The following ARHGAP5 variants were observed in gnomAD, a reference collection of about 807,000 sequenced individuals.
ARHGAP5 encodes the protein Rho GTPase activating protein 5, also known as rho GTPase-activating protein 5.
A neutral mutation model predicts 116.6 loss-of-function variants in ARHGAP5; 23 were observed. The ratio of observed to expected loss-of-function variants is 0.20; its 90% CI spans 0.14 to 0.28. The LOEUF (loss-of-function observed/expected upper bound fraction) is 0.28. ARHGAP5 is among the 10% of genes least tolerant of loss of function. The pLI, the probability that ARHGAP5 is intolerant of heterozygous loss-of-function variation, is 1.00. For missense variants in ARHGAP5, 1,405 were observed against 1,774.8 expected (o/e 0.79, Z 3.74); for synonymous variants, 574 against 602.0 (o/e 0.95, Z 0.68).
At position 32,093,070 on chromosome 14, in the gene ARHGAP5, G is replaced by T; in HGVS notation, c.2401G>T (p.Asp801Tyr). The change falls in exon 2 of 7, where the codon GAT becomes TAT. Residue 801 changes from aspartate (D) to tyrosine (Y), a missense_variant. Around this residue, in one of 6 missense-constraint regions of ARHGAP5, gnomAD observed 944 missense variants for 1,095.3 expected, o/e 0.86. Transcript: ENST00000345122. Reference sequence around the variant, plus strand: ...GGATCTTATTCTTTCACCCTTCCTTGATTCTCATTCTTGCAGTGCTGCTCA... The same window carrying T: ...GGATCTTATTCTTTCACCCTTCCTTTATTCTCATTCTTGCAGTGCTGCTCA... ...SVDLILSPFL[D>Y]SHSCSAAQAG... The T allele has an allele frequency of 6.2e-7, 1 of 1,613,800 alleles. No homozygotes were observed. Among genetic ancestry groups the T allele is most frequent in the East Asian group, 2.2e-5 (1 of 44,866 alleles).
At chr14:32,082,506 C>T (rs2041787000) in intron 1 of ARHGAP5, among the ~76,000 whole-genome samples, 1 of 152,084 alleles carries the variant, frequency 6.6e-6, no homozygotes, top group African/African-American at 2.4e-5. Flanking sequence ...TAGCCAGTTA[C>T]CAAGCTCTCT....
At position 32,159,127 on chromosome 14, in the gene ARHGAP5, G is replaced by T. The variant is rs185070121; in HGVS notation, c.*4179G>T. The T allele has an allele frequency of 6.6e-5, 10 of 152,208 alleles. No homozygotes were observed. The highest frequency in any genetic ancestry group is 3.4e-3 in the Middle Eastern group (1 of 294). 9.4% of individuals were successfully genotyped at this position (152,208 alleles called of 1,614,324 possible). ...TTGAAAAGCTAACCAATGATAATTA[G>T]CATTTTAGTTAATACTAAATGCATA... On this transcript the variant is annotated 3_prime_UTR_variant, in exon 7 of 7. Transcript: ENST00000345122.
At chr14:32,115,116 A>G (rs1329207234) in intron 2 of ARHGAP5, among the ~76,000 whole-genome samples, 1 of 152,204 alleles carries the variant, frequency 6.6e-6, no homozygotes, top group African/African-American at 2.4e-5. Context: ...GAAACTCTCA[A>G]TGGGATGTGC....
In ARHGAP5 at chr14:32,158,408, G is replaced by A. The variant is rs1881989534; in HGVS notation, c.*3460G>A. The A allele has an allele frequency of 6.6e-6, 1 of 151,890 alleles. No homozygotes were observed. Among genetic ancestry groups the A allele is most frequent in the South Asian group, 2.1e-4 (1 of 4,826 alleles). The allele number at this position is 151,890 out of a possible 1,614,324, so 9.4% of individuals were successfully genotyped here. On this transcript the variant is annotated 3_prime_UTR_variant, in exon 7 of 7. Transcript: ENST00000345122. The stretch of plus-strand genomic sequence containing the variant: ...AAGATCTTACCTGGATGTGATTTTT[G>A]AGCTGTGGCTAGACATTCTTTAGAG...
chr14:32,134,471 C>T (rs1018845475), intron 3 of ARHGAP5, among the ~76,000 whole-genome samples: 2 of 152,196 alleles, frequency 1.3e-5, no homozygotes, highest in African/African-American at 4.8e-5. Context: ...GATGTTACTT[C>T]ATCCCTATCA....
intron 3 of ARHGAP5, among the ~76,000 whole-genome samples, chr14:32,140,104 T>G (rs1881042203): frequency 7.1e-6 from 1 of 140,272 alleles, no homozygotes; most frequent in African/African-American, 2.6e-5. Context: ...GTTCTTTTTT[T>G]TTTTTTTTTC....
chr14:32,131,849 C>T (rs897917124), intron 3 of ARHGAP5, among the ~76,000 whole-genome samples: 1 of 152,118 alleles, frequency 6.6e-6, no homozygotes, highest in Admixed American at 6.5e-5. Context: ...GTTTTTTGTC[C>T]TTGCGATAGT....
Position 32,094,194 on chromosome 14 carries a change from C to T in ARHGAP5, c.3525C>T (p.Ala1175=). 1 of 1,612,532 alleles carries T rather than the reference C, an allele frequency of 6.2e-7. No individual in the cohort carries two copies. The highest frequency in any genetic ancestry group is 8.5e-7 in the Non-Finnish European group (1 of 1,179,666). ...ACTATAGAAGAACACATTCAGATGC[C>T]AGTGATGATGAGGCTTTCACCACTT... ...KSYYRRTHSD[A]SDDEAFTTSK... is the part of the protein sequence containing the mutation. The change falls in exon 2 of 7, where the codon GCC becomes GCT. Residue 1175 remains alanine (A), a synonymous_variant. Coordinates refer to ENST00000345122, the MANE Select transcript of ARHGAP5 (RefSeq NM_001030055.2).
intron 2 of ARHGAP5, among the ~76,000 whole-genome samples, chr14:32,110,568 C>G (rs934083398): frequency 3.3e-5 from 5 of 151,844 alleles, no homozygotes; most frequent in African/African-American, 1.2e-4. Flanking sequence ...TTGAGGAAGG[C>G]GTAAATGATG....
At chr14:32,085,780 C>CT (rs1594339986) in intron 1 of ARHGAP5, among the ~76,000 whole-genome samples, 2 of 152,152 alleles carry the variant, frequency 1.3e-5, no homozygotes, top group East Asian at 3.9e-4. Flanking sequence ...TTACTAAAGT[C>CT]TTTAAACAGC....
Position 32,098,810 on chromosome 14 carries a change from G to A in ARHGAP5, c.3717+4424G>A, listed in dbSNP as rs149141697. Reference sequence around the variant, plus strand: ...TAGGGGAGAGAGTAGTATAAGGAGAGACGAGAATGCAGACCAGACTCTGAG... The same window carrying A: ...TAGGGGAGAGAGTAGTATAAGGAGAAACGAGAATGCAGACCAGACTCTGAG... On this transcript the variant is annotated intron_variant, in intron 2 of 6. Coordinates refer to ENST00000345122, the MANE Select transcript of ARHGAP5 (RefSeq NM_001030055.2). 4.9e-3 allele frequency among the ~76,000 whole-genome samples: 750 copies of A among 152,340 alleles called. 5 individuals carry two copies. Among genetic ancestry groups the A allele is most frequent in the African/African-American group, 0.017 (704 of 41,576 alleles).
At chr14:32,083,545 G>T (rs1448663834) in intron 1 of ARHGAP5, among the ~76,000 whole-genome samples, 1 of 152,164 alleles carries the variant, frequency 6.6e-6, no homozygotes, top group African/African-American at 2.4e-5. Context: ...TAGTACCATG[G>T]TATAGCACAT....
At chr14:32,140,087 G>GTTTTTT (rs1881028802) in intron 3 of ARHGAP5, among the ~76,000 whole-genome samples, 1 of 29,852 alleles carries the variant, frequency 3.3e-5, no homozygotes, top group African/African-American at 1.5e-4. Flanking sequence ...TTTTTTTTAG[G>GTTTTTT]TTATTTGTTC....
Position 32,159,644 on chromosome 14 carries a change from G to A in ARHGAP5, c.*4696G>A, listed in dbSNP as rs911417401. On this transcript the variant is annotated 3_prime_UTR_variant, in exon 7 of 7. Transcript: ENST00000345122. ...TGCAAGTTCTTGAACTATTTTACCA[G>A]CTTTAACTTTGGGGCTCTTAGTTTC... 48 of 152,034 alleles carry A rather than the reference G, an allele frequency of 3.2e-4. No individual in the cohort carries two copies. Among genetic ancestry groups the A allele is most frequent in the African/African-American group, 1.2e-3 (48 of 41,398 alleles). The allele number at this position is 152,034 out of a possible 1,614,324, so 9.4% of individuals were successfully genotyped here.
intron 2 of ARHGAP5, among the ~76,000 whole-genome samples, chr14:32,096,274 C>A (rs1878519754): frequency 6.6e-6 from 1 of 152,106 alleles, no homozygotes; most frequent in Non-Finnish European, 1.5e-5. Context: ...TTTTTCCATA[C>A]TGCTGCATAG....
chr14:32,104,406 G>A, intron 2 of ARHGAP5, among the ~76,000 whole-genome samples: 1 of 152,140 alleles, frequency 6.6e-6, no homozygotes, highest in East Asian at 1.9e-4. Flanking sequence ...CAAAAACCTA[G>A]ACCACATTTA....
At chr14:32,077,513 C>A in intron 1 of ARHGAP5, 78 bp downstream of exon 1, 1 of 650,862 alleles carries the variant, frequency 1.5e-6, no homozygotes. Flanking sequence ...CTAGCTGCCC[C>A]GCTCGGTCGC....
Position 32,094,504 on chromosome 14 carries a change from C to T in ARHGAP5, c.3717+118C>T, listed in dbSNP as rs371329487. Reference sequence around the variant, plus strand: ...ATTCCATACATAATAATTAGTAGCCCTTTTTAATTTTCTGAGTATTCTGTG... The same window carrying T: ...ATTCCATACATAATAATTAGTAGCCTTTTTTAATTTTCTGAGTATTCTGTG... On this transcript the variant is annotated intron_variant, in intron 2 of 6. Transcript: ENST00000345122. The T allele has an allele frequency of 2.1e-5, 15 of 721,338 alleles. No individual in the cohort carries two copies. The African/African-American group carries it at 2.4e-4, about 12-fold the overall frequency. The allele number at this position is 721,338 out of a possible 1,614,324, so 44.7% of individuals were successfully genotyped here. A position where few individuals can be genotyped will look rare whatever the true frequency, so the allele number is the denominator to read the frequency against.
chr14:32,104,449 C>T (rs574644642), intron 2 of ARHGAP5, among the ~76,000 whole-genome samples: 4 of 152,122 alleles, frequency 2.6e-5, no homozygotes, highest in Non-Finnish European at 5.9e-5. Context: ...CCTCTTTTCA[C>T]CTAGTGTTAG....
Sources: gnomAD v4.1 joint callset for allele counts (sites outside exome capture counted in the v4.1 genomes callset) on GRCh38, gnomAD v4.1.1 for gene constraint, gnomAD v4.1.1 regional missense constraint, MANE v1.5 for transcripts, NCBI Gene and HGNC (gene_info 2026-07-23, HGNC 2026-07-21) for gene names.